PAPPA: variants seen among roughly 807,000 people sequenced by gnomAD.
PAPPA encodes the protein pappalysin 1.
PAPPA carries 60 observed loss-of-function variants against 164.0 expected under a neutral mutation model. The observed-to-expected ratio is 0.37, with a 90% CI of 0.30 to 0.45. The LOEUF (loss-of-function observed/expected upper bound fraction) is 0.45. PAPPA is among the 20% of genes least tolerant of loss of function. The probability of loss-of-function intolerance (pLI) is 1.00; values close to 1 mark genes in which losing one functional copy is unlikely to be tolerated. For synonymous variants in PAPPA, 875 were observed against 814.1 expected, an observed-to-expected ratio of 1.07 and a Z score of -1.27; for missense variants, 1,782 against 2,087.3, an observed-to-expected ratio of 0.85 and a Z score of 2.85.
chr9:116,329,521 T>A (rs1845963341), intron 10 of PAPPA, among the ~76,000 whole-genome samples: 1 of 152,174 alleles, frequency 6.6e-6, no homozygotes, highest in Admixed American at 6.5e-5. Flanking sequence ...TTTTTTTTCC[T>A]GACTCCCGGT....
chr9:116,365,765 A>G (rs1234196011), intron 18 of PAPPA, among the ~76,000 whole-genome samples: 1 of 151,408 alleles, frequency 6.6e-6, no homozygotes, highest in Non-Finnish European at 1.5e-5. Context: ...ATCACTCATC[A>G]TTTTTGTCTG....
At chr9:116,352,679 C>G (rs1322151649) in intron 15 of PAPPA, 27 bp from the exon 16 acceptor site, 31 of 1,593,746 alleles carry the variant, frequency 1.9e-5, no homozygotes, top group Non-Finnish European at 2.6e-5. Flanking sequence ...CCTCCCTCCT[C>G]TAACCCTGCT....
chr9:116,228,762 C>CAGG (rs1029441638), intron 6 of PAPPA, among the ~76,000 whole-genome samples: 2 of 152,178 alleles, frequency 1.3e-5, no homozygotes, highest in Admixed American at 1.3e-4. Context: ...CCCCCAAGTG[C>CAGG]AGGAATCCCC....
At chr9:116,225,113 T>C (rs956216801) in intron 5 of PAPPA, among the ~76,000 whole-genome samples, 2 of 152,194 alleles carry the variant, frequency 1.3e-5, no homozygotes, top group Admixed American at 6.5e-5. Context: ...CAATGAAACA[T>C]CTAAAGCACA....
intron 19 of PAPPA, chr9:116,373,373 C>T (rs954455285): frequency 3.9e-5 from 6 of 151,932 alleles, no homozygotes; most frequent in Non-Finnish European, 1.5e-5. Context: ...AAAAAGCTTA[C>T]CCTGGAAAGA....
rs1374232177 is a variant in PAPPA, at chr9:116,154,888, C to T, written c.415+301C>T. ...TTCCCGGAGCCTAGGGCACGTAACCCGTGCTCCGAATGGTCAGATGCACTC... is the reference window on the plus strand; with the variant it reads ...TTCCCGGAGCCTAGGGCACGTAACCTGTGCTCCGAATGGTCAGATGCACTC... On this transcript the variant is annotated intron_variant, in intron 1 of 21. Transcript: ENST00000328252. This position sits in a 1 kb window ranked among gnomAD's most constrained non-coding sequence, Gnocchi z 5.2. Among the ~76,000 whole-genome samples, 1 of 152,208 alleles carries T rather than the reference C, an allele frequency of 6.6e-6. No individual in the cohort carries two copies. Among genetic ancestry groups the T allele is most frequent in the African/African-American group, 2.4e-5 (1 of 41,458 alleles).
chr9:116,161,570 G>A (rs1843665046), intron 1 of PAPPA, among the ~76,000 whole-genome samples: 1 of 152,166 alleles, frequency 6.6e-6, no homozygotes, highest in Non-Finnish European at 1.5e-5. Context: ...AGGAGTTATT[G>A]TTAATCTTGA....
At chr9:116,387,435 GGAGTGGCT>G (rs1271236870) in intron 21 of PAPPA, among the ~76,000 whole-genome samples, 1 of 152,056 alleles carries the variant, frequency 6.6e-6, no homozygotes, top group African/African-American at 2.4e-5. Context: ...CACCTACTCT[GGAGTGGCT>G]CACTTCAGCC....
Position 116,295,946 on chromosome 9 carries a change from C to G in PAPPA, c.2954-6811C>G, listed in dbSNP as rs10983106. On this transcript the variant is annotated intron_variant, in intron 9 of 21. Transcript: ENST00000328252. ...TGATTAAATGAATGTATAGACTTCT[C>G]CAGTTCTCATCTACTGATTAGAAGA... Among the ~76,000 whole-genome samples, 173 of 152,336 alleles carry G rather than the reference C, an allele frequency of 1.1e-3. No homozygotes were observed. The East Asian group carries it at 0.016, about 14-fold the overall frequency.
At position 116,377,654 on chromosome 9, in the gene PAPPA, C is replaced by T; in HGVS notation, c.4677+7C>T. 1.2e-6 allele frequency: 2 copies of T among 1,605,660 alleles called. No homozygotes were observed. Among genetic ancestry groups the T allele is most frequent in the Non-Finnish European group, 1.7e-6 (2 of 1,172,322 alleles). ...CTGTGTCAAAGGCTGTGAGGTGAGT[C>T]ACAAGGAAGGCACTCCTCAGTTCCC... On this transcript the variant is annotated splice_region_variant and intron_variant, in intron 20 of 21. Coordinates refer to ENST00000328252, the MANE Select transcript of PAPPA (RefSeq NM_002581.5).
At chr9:116,342,601 A>T (rs1181486622) in intron 13 of PAPPA, among the ~76,000 whole-genome samples, 1 of 152,220 alleles carries the variant, frequency 6.6e-6, no homozygotes. Flanking sequence ...GAATAGGAAT[A>T]GATCCCAGTA....
chr9:116,288,240 G>C (rs1206401252), intron 9 of PAPPA, among the ~76,000 whole-genome samples: 3 of 152,026 alleles, frequency 2.0e-5, no homozygotes, highest in African/African-American at 7.2e-5. Context: ...GTAGTGGTCC[G>C]TGCCTGTAAT....
intron 10 of PAPPA, among the ~76,000 whole-genome samples, chr9:116,328,294 A>C (rs1845945481): frequency 6.6e-6 from 1 of 152,230 alleles, no homozygotes; most frequent in African/African-American, 2.4e-5. Context: ...GCTGTTGTAA[A>C]GTGTAACACA....
chr9:116,199,843 G>A (rs1255781998), intron 2 of PAPPA, among the ~76,000 whole-genome samples: 1 of 152,100 alleles, frequency 6.6e-6, no homozygotes, highest in Non-Finnish European at 1.5e-5. Flanking sequence ...AAGGGGAAGA[G>A]GAGCCAGCAT....
intron 21 of PAPPA, among the ~76,000 whole-genome samples, chr9:116,395,279 G>C (rs1048937457): frequency 6.6e-6 from 1 of 152,182 alleles, no homozygotes; most frequent in African/African-American, 2.4e-5. Context: ...AGGATGGAGA[G>C]AGGTTGGGAG....
chr9:116,358,810 C>T (rs904531367), intron 17 of PAPPA, among the ~76,000 whole-genome samples: 2 of 152,216 alleles, frequency 1.3e-5, no homozygotes, highest in African/African-American at 4.8e-5. Flanking sequence ...ACCTTTGTGA[C>T]TTGGGCACAT....
intron 17 of PAPPA, among the ~76,000 whole-genome samples, chr9:116,357,857 G>A (rs1846373776): frequency 6.6e-6 from 1 of 152,142 alleles, no homozygotes; most frequent in Non-Finnish European, 1.5e-5. Context: ...ACCTAATGAT[G>A]GATTTCAGCA....
rs1554755536 is a variant in PAPPA at position 116,365,566 on chromosome 9, T to TTTTTTTTC, written c.4496-2079_4496-2078insTTTTTTTC. The stretch of plus-strand genomic sequence containing the variant: ...TTTGACAACCGTTTTTTTTTTTTTT[T>TTTTTTTTC]CCTCTCTTGGGATAAGATAGCCTTT... On this transcript the variant is annotated intron_variant, in intron 18 of 21. Coordinates refer to ENST00000328252, the MANE Select transcript of PAPPA (RefSeq NM_002581.5). Among the ~76,000 whole-genome samples, 25 of 137,888 alleles carry TTTTTTTTC rather than the reference T, an allele frequency of 1.8e-4. 2 individuals carry two copies. Among genetic ancestry groups the TTTTTTTTC allele is most frequent in the South Asian group, 2.4e-4 (1 of 4,124 alleles). 90.5% of individuals were successfully genotyped at this position (137,888 alleles called of 152,430 possible).
chr9:116,171,781 G>T (rs1353400825), intron 1 of PAPPA, among the ~76,000 whole-genome samples: 3 of 152,162 alleles, frequency 2.0e-5, no homozygotes, highest in Non-Finnish European at 2.9e-5. Context: ...GCAGTCAGAT[G>T]CTGGCCTGGG....
Sources: gnomAD v4.1 joint callset for allele counts (sites outside exome capture counted in the v4.1 genomes callset) on GRCh38, gnomAD v4.1.1 for gene constraint, Gnocchi (gnomAD v3.1) non-coding constraint, MANE v1.5 for transcripts, NCBI Gene and HGNC (gene_info 2026-07-23, HGNC 2026-07-21) for gene names.